SLC39A11: variants seen among roughly 807,000 people sequenced by gnomAD.
SLC39A11 encodes zinc transporter ZIP11.
In SLC39A11, 33 loss-of-function variants were observed where a neutral mutation model predicts 36.1. The ratio of observed to expected loss-of-function variants is 0.91; its 90% CI spans 0.69 to 1.22. SLC39A11 has a LOEUF of 1.22. SLC39A11 is among the 50% of genes most tolerant of loss of function. SLC39A11 has a pLI of 0.00. For synonymous variants in SLC39A11, 166 were observed against 170.3 expected (o/e 0.97, Z 0.20); for missense variants, 432 against 430.3 (o/e 1.00, Z -0.03).
At chr17:72,739,585 G>A (rs2074584536) in intron 6 of SLC39A11, among the ~76,000 whole-genome samples, 2 of 152,202 alleles carry the variant, frequency 1.3e-5, no homozygotes. Context: ...TCAGAAGCCA[G>A]GTAGTCAGAG....
At chr17:72,693,925 G>C (rs549738197) in intron 7 of SLC39A11, among the ~76,000 whole-genome samples, 1 of 152,160 alleles carries the variant, frequency 6.6e-6, no homozygotes, top group Non-Finnish European at 1.5e-5. Context: ...GCCTCCCAAA[G>C]TGCCGGGACC....
chr17:72,901,714 T>C (rs72847973), intron 5 of SLC39A11, among the ~76,000 whole-genome samples: 20,892 of 152,156 alleles, frequency 0.14, 2,710 homozygotes, highest in African/African-American at 0.34. Context: ...TAAACACCAG[T>C]GGCAGTGAGT....
intron 6 of SLC39A11, among the ~76,000 whole-genome samples, chr17:72,816,212 T>C (rs978808485): frequency 3.3e-5 from 5 of 152,232 alleles, no homozygotes; most frequent in Admixed American, 6.5e-5. Flanking sequence ...ATGACTATAT[T>C]CTTCAGATGG....
intron 6 of SLC39A11, among the ~76,000 whole-genome samples, chr17:72,813,400 A>C (rs896080369): frequency 6.6e-6 from 1 of 152,224 alleles, no homozygotes; most frequent in Non-Finnish European, 1.5e-5. Flanking sequence ...AATTAGAATA[A>C]GCAGAGCTAC....
intron 7 of SLC39A11, among the ~76,000 whole-genome samples, chr17:72,652,858 C>T (rs762502094): frequency 5.9e-5 from 9 of 152,138 alleles, no homozygotes; most frequent in Non-Finnish European, 7.3e-5. Flanking sequence ...ATTTCAGATA[C>T]TGTGTTCCTA....
At chr17:72,815,422 G>A (rs556347821) in intron 6 of SLC39A11, among the ~76,000 whole-genome samples, 34 of 151,564 alleles carry the variant, frequency 2.2e-4, no homozygotes, top group African/African-American at 4.4e-4. Flanking sequence ...GTTAGAGACC[G>A]GCATGACCAA....
intron 7 of SLC39A11, among the ~76,000 whole-genome samples, chr17:72,694,390 A>T (rs1386448419): frequency 2.0e-5 from 3 of 152,210 alleles, no homozygotes; most frequent in African/African-American, 7.2e-5. Context: ...GAGCCCTGGT[A>T]CCCATCGTGG....
Position 72,942,040 on chromosome 17 carries a change from C to T in SLC39A11, c.430+5712G>A, listed in dbSNP as rs575143888. ...TGATTACAGGCATGTGCCACCACGCCTGGCTAATTTTTGTATTATTATTAT... is the reference window on the plus strand; with the variant it reads ...TGATTACAGGCATGTGCCACCACGCTTGGCTAATTTTTGTATTATTATTAT... On this transcript the variant is annotated intron_variant, in intron 5 of 9. Transcript: ENST00000255559. 1.0e-4 allele frequency among the ~76,000 whole-genome samples: 15 copies of T among 148,190 alleles called. No homozygotes were observed. In the South Asian group the frequency reaches 3.1e-3, roughly 31 times the overall value.
intron 6 of SLC39A11, among the ~76,000 whole-genome samples, chr17:72,786,563 G>C (rs148155287): frequency 7.0e-4 from 107 of 152,248 alleles, no homozygotes; most frequent in African/African-American, 2.6e-3. Context: ...AAGATATCTG[G>C]ATGGCTGATG....
intron 3 of SLC39A11, among the ~76,000 whole-genome samples, chr17:73,070,834 T>C (rs574515650): frequency 1.3e-5 from 2 of 152,308 alleles, no homozygotes; most frequent in South Asian, 4.1e-4. Flanking sequence ...AGACATGCCT[T>C]TCACTTTCTG....
chr17:72,842,128 G>A (rs1203299006), intron 6 of SLC39A11, among the ~76,000 whole-genome samples: 2 of 150,794 alleles, frequency 1.3e-5, no homozygotes, highest in Admixed American at 1.3e-4. Flanking sequence ...GTATTTCATG[G>A]CCCCATAAAT....
At chr17:72,710,358 T>C (rs1161180668) in intron 7 of SLC39A11, among the ~76,000 whole-genome samples, 1 of 152,236 alleles carries the variant, frequency 6.6e-6, no homozygotes, top group Non-Finnish European at 1.5e-5. Flanking sequence ...AAAATTCATA[T>C]GTTGAAACCA....
chr17:72,857,876 A>G (rs1038730777), intron 5 of SLC39A11, among the ~76,000 whole-genome samples: 1 of 152,154 alleles, frequency 6.6e-6, no homozygotes, highest in East Asian at 1.9e-4. Flanking sequence ...GCTGGATATT[A>G]TATCTGTCAG....
At chr17:72,881,473 G>A (rs1332587959) in intron 5 of SLC39A11, among the ~76,000 whole-genome samples, 1 of 152,082 alleles carries the variant, frequency 6.6e-6, no homozygotes, top group Admixed American at 6.5e-5. Context: ...AAAATTCTGG[G>A]TTAAATAATT....
chr17:72,733,082 C>T (rs2074294394), intron 7 of SLC39A11, among the ~76,000 whole-genome samples: 1 of 152,174 alleles, frequency 6.6e-6, no homozygotes, highest in Non-Finnish European at 1.5e-5. Context: ...TGTTTCAGTT[C>T]CCTGACATCC....
intron 6 of SLC39A11, among the ~76,000 whole-genome samples, chr17:72,793,719 C>A (rs2076795703): frequency 6.6e-6 from 1 of 152,182 alleles, no homozygotes; most frequent in African/African-American, 2.4e-5. Context: ...CGTGAGCTGC[C>A]ACACCCAGTC....
chr17:73,061,740 A>C (rs1241818261), intron 3 of SLC39A11, among the ~76,000 whole-genome samples: 1 of 152,232 alleles, frequency 6.6e-6, no homozygotes, highest in Admixed American at 6.5e-5. Context: ...CATGCCTACA[A>C]TCTCAGCACT....
intron 7 of SLC39A11, among the ~76,000 whole-genome samples, chr17:72,676,742 C>T (rs2071277050): frequency 6.6e-6 from 1 of 152,170 alleles, no homozygotes; most frequent in Non-Finnish European, 1.5e-5. Context: ...GTCAAATGCT[C>T]GCTTCACTTA....
intron 4 of SLC39A11, among the ~76,000 whole-genome samples, chr17:73,015,669 C>T (rs530265684): frequency 6.6e-6 from 1 of 152,236 alleles, no homozygotes; most frequent in African/African-American, 2.4e-5. Context: ...CTGCAACCCC[C>T]ACCTCCAGGT....
Sources: allele counts gnomAD v4.1 joint callset (sites outside exome capture counted in the v4.1 genomes callset), GRCh38; gene constraint gnomAD v4.1.1; transcripts MANE v1.5; gene names NCBI Gene and HGNC (gene_info 2026-07-23, HGNC 2026-07-21).